The following SCML4 variants were observed in gnomAD, a reference collection of about 807,000 sequenced individuals.
The protein encoded by SCML4 is Scm polycomb group protein like 4.
Under a neutral mutation model 41.1 loss-of-function variants are expected in SCML4, and 34 were observed. That is an observed-to-expected ratio of 0.83 (90% CI 0.63 to 1.10). The LOEUF (loss-of-function observed/expected upper bound fraction) is 1.10. Among genes scored for constraint, SCML4 ranks in the 50% least tolerant of loss-of-function variants. The probability of loss-of-function intolerance (pLI) is 0.00; values close to 1 mark genes in which losing one functional copy is unlikely to be tolerated. For synonymous variants in SCML4, 214 were observed against 220.9 expected (o/e 0.97, Z 0.28); for missense variants, 522 against 534.1 (o/e 0.98, Z 0.22).
chr6:107,777,516 AT>A (rs1184012011), intron 1 of SCML4, among the ~76,000 whole-genome samples: 14 of 152,168 alleles, frequency 9.2e-5, no homozygotes, highest in African/African-American at 3.4e-4. Flanking sequence ...TCTACTGAAA[AT>A]TTTTGCTTCC....
intron 6 of SCML4, among the ~76,000 whole-genome samples, chr6:107,715,182 C>G (rs1774648779): frequency 7.4e-6 from 1 of 135,652 alleles, no homozygotes; most frequent in Non-Finnish European, 1.6e-5. Context: ...ACCATATTGA[C>G]TGGGCTGGTC....
At chr6:107,803,100 C>A (rs967968932) in intron 1 of SCML4, among the ~76,000 whole-genome samples, 34 of 152,052 alleles carry the variant, frequency 2.2e-4, no homozygotes, top group South Asian at 1.0e-3. Context: ...GCTACAACTT[C>A]CACCTCCCAG....
intron 1 of SCML4, among the ~76,000 whole-genome samples, chr6:107,806,943 ACCCTGGGCT>A (rs1783778423): frequency 6.6e-6 from 1 of 151,916 alleles, no homozygotes; most frequent in Non-Finnish European, 1.5e-5. Flanking sequence ...GGCTCCCTCC[ACCCTGGGCT>A]CAGGTGCTCC....
chr6:107,785,691 T>G (rs965574389), intron 1 of SCML4, among the ~76,000 whole-genome samples: 2 of 152,120 alleles, frequency 1.3e-5, no homozygotes, highest in Non-Finnish European at 2.9e-5. Context: ...TCCTCTGCAC[T>G]CCCCTCCTGA....
At chr6:107,826,380 A>G (rs4946871), upstream of SCML4, among the ~76,000 whole-genome samples, 45,023 of 152,100 alleles carry the variant, frequency 0.3, 10,248 homozygotes, top group African/African-American at 0.64. Flanking sequence ...TGTCCCAGCG[A>G]CAGCGGTTAT....
chr6:107,790,353 G>A (rs1228590506), intron 1 of SCML4, among the ~76,000 whole-genome samples: 4 of 152,160 alleles, frequency 2.6e-5, no homozygotes, highest in African/African-American at 9.7e-5. Flanking sequence ...AAGAAAGGGG[G>A]AGAGAGAGCA....
At chr6:107,761,882 G>T (rs1435212921) in intron 2 of SCML4, among the ~76,000 whole-genome samples, 2 of 151,664 alleles carry the variant, frequency 1.3e-5, no homozygotes, top group African/African-American at 2.4e-5. Context: ...ATCACTACAG[G>T]GCCTATATTA....
At chr6:107,732,743 C>G (rs372601298) in intron 5 of SCML4, among the ~76,000 whole-genome samples, 1 of 152,100 alleles carries the variant, frequency 6.6e-6, no homozygotes, top group Non-Finnish European at 1.5e-5. Context: ...TGAGAATTCC[C>G]GAGAGCTGGG....
chr6:107,737,418 A>G (rs1311310723), intron 5 of SCML4, among the ~76,000 whole-genome samples: 3 of 152,098 alleles, frequency 2.0e-5, no homozygotes, highest in Non-Finnish European at 4.4e-5. Context: ...CTGGATTTAT[A>G]CAAGTGCCAC....
chr6:107,805,599 G>A (rs117915437), intron 1 of SCML4, among the ~76,000 whole-genome samples: 1 of 152,154 alleles, frequency 6.6e-6, no homozygotes, highest in Non-Finnish European at 1.5e-5. Flanking sequence ...TTACATGAAA[G>A]CTGTCAAACT....
the SCML4 span, among the ~76,000 whole-genome samples, chr6:107,835,477 C>G: frequency 6.6e-6 from 1 of 151,918 alleles, no homozygotes; most frequent in Non-Finnish European, 1.5e-5. Flanking sequence ...CAGTGACTCA[C>G]GCTTATAATC....
the SCML4 span, among the ~76,000 whole-genome samples, chr6:107,843,031 T>C: frequency 6.6e-6 from 1 of 152,106 alleles, no homozygotes; most frequent in South Asian, 2.1e-4. Context: ...AAATATATAT[T>C]TTTATATTTC....
At chr6:107,716,403 CT>C (rs1272670197) in intron 6 of SCML4, among the ~76,000 whole-genome samples, 1 of 152,122 alleles carries the variant, frequency 6.6e-6, no homozygotes, top group African/African-American at 2.4e-5. Flanking sequence ...TTTTCTTTAT[CT>C]TTAAATCAAA....
At chr6:107,790,254 C>T (rs1411790432) in intron 1 of SCML4, among the ~76,000 whole-genome samples, 1 of 152,158 alleles carries the variant, frequency 6.6e-6, no homozygotes, top group East Asian at 1.9e-4. Context: ...TTACCATGGA[C>T]AATATCTTGC....
chr6:107,814,545 GT>G (rs1052190669), intron 1 of SCML4, among the ~76,000 whole-genome samples: 2 of 152,096 alleles, frequency 1.3e-5, no homozygotes, highest in African/African-American at 4.8e-5. Flanking sequence ...TTACAAACAT[GT>G]TTTTTTGTTT....
chr6:107,843,312 G>A, the SCML4 span, among the ~76,000 whole-genome samples: 2 of 152,004 alleles, frequency 1.3e-5, no homozygotes, highest in African/African-American at 4.8e-5. Context: ...AGGGAAAAAA[G>A]GCATATTATA....
At chr6:107,768,437 A>T (rs898895796) in intron 2 of SCML4, among the ~76,000 whole-genome samples, 7 of 152,236 alleles carry the variant, frequency 4.6e-5, no homozygotes, top group Non-Finnish European at 1.0e-4. Flanking sequence ...TGTTTTTAAC[A>T]TTTCAAGGAT....
At chr6:107,816,550 A>G (rs1343645463) in intron 1 of SCML4, among the ~76,000 whole-genome samples, 1 of 152,174 alleles carries the variant, frequency 6.6e-6, no homozygotes, top group Non-Finnish European at 1.5e-5. Flanking sequence ...CAGAGGAGGA[A>G]GAAGCTACTG....
chr6:107,802,580 G>GAGGAAGGACGGAAGGAAGGA (rs1554222237), intron 1 of SCML4, among the ~76,000 whole-genome samples: 30 of 36,458 alleles, frequency 8.2e-4, no homozygotes, highest in African/African-American at 2.3e-3. Flanking sequence ...GGGAGGGAGG[G>GAGGAAGGACGGAAGGAAGGA]AGGAAGGAAG....
Sources: allele counts gnomAD v4.1 joint callset (sites outside exome capture counted in the v4.1 genomes callset), GRCh38; gene constraint gnomAD v4.1.1; transcripts MANE v1.5; gene names NCBI Gene and HGNC (gene_info 2026-07-23, HGNC 2026-07-21).